The following RIGI variants were observed in gnomAD, a reference collection of about 807,000 sequenced individuals.
The protein encoded by RIGI is antiviral innate immune response receptor RIG-I.
chr9:32,478,710 C>T, the RIGI span, among the ~76,000 whole-genome samples: 5 of 152,108 alleles, frequency 3.3e-5, no homozygotes, highest in Non-Finnish European at 5.9e-5. Context: ...CAGGAGCATA[C>T]CACTATGCTC....
the RIGI span, among the ~76,000 whole-genome samples, chr9:32,503,985 T>A: frequency 3.3e-5 from 5 of 149,704 alleles, no homozygotes; most frequent in Non-Finnish European, 7.4e-5. Flanking sequence ...GAAGTTGCCA[T>A]GAGCCGAGAT....
the RIGI span, among the ~76,000 whole-genome samples, chr9:32,524,596 GTTTTTTTTT>G: frequency 5.9e-3 from 398 of 67,566 alleles, no homozygotes; most frequent in African/African-American, 0.021. Context: ...TTGTTTTTCG[GTTTTTTTTT>G]TTTTTTTTTT....
the RIGI span, chr9:32,492,559 TTATTGA>T: frequency 2.5e-6 from 4 of 1,613,214 alleles, no homozygotes; most frequent in Non-Finnish European, 3.4e-6. Flanking sequence ...TAACTGTAGT[TTATTGA>T]TCAATTATCT....
the RIGI span, among the ~76,000 whole-genome samples, chr9:32,470,522 T>TC: frequency 6.6e-6 from 1 of 152,210 alleles, no homozygotes; most frequent in East Asian, 1.9e-4. Context: ...TGATTTTTTT[T>TC]CAAACAAAAA....
the RIGI span, chr9:32,481,360 A>G: frequency 6.2e-7 from 1 of 1,613,456 alleles, no homozygotes; most frequent in African/African-American, 1.3e-5. Flanking sequence ...GAAGTGTATA[A>G]AAACAGGGCT....
the RIGI span, chr9:32,456,755 G>A: frequency 1.8e-5 from 3 of 168,856 alleles, no homozygotes; most frequent in South Asian, 4.8e-4. Context: ...AAGGGCAAAA[G>A]CCAGTTTACA....
chr9:32,504,310 G>A, the RIGI span, among the ~76,000 whole-genome samples: 1 of 152,110 alleles, frequency 6.6e-6, no homozygotes, highest in African/African-American at 2.4e-5. Flanking sequence ...AAAAAAATAT[G>A]AGTCAAAAGT....
At chr9:32,462,796 A>G in the RIGI span, among the ~76,000 whole-genome samples, 6 of 152,090 alleles carry the variant, frequency 3.9e-5, no homozygotes, top group Non-Finnish European at 5.9e-5. Flanking sequence ...TGATCCTCCC[A>G]TGTAGCTGGC....
At chr9:32,514,121 T>C in the RIGI span, among the ~76,000 whole-genome samples, 4 of 152,172 alleles carry the variant, frequency 2.6e-5, no homozygotes, top group African/African-American at 7.2e-5. Context: ...TTTTACACTT[T>C]TGGTGGGAGT....
At chr9:32,500,784 G>C in the RIGI span, 6 of 1,603,108 alleles carry the variant, frequency 3.7e-6, no homozygotes, top group Non-Finnish European at 4.2e-6. Context: ...TCTGATTTGT[G>C]ATTAAAAAGA....
At chr9:32,498,251 T>C in the RIGI span, 49 of 456,614 alleles carry the variant, frequency 1.1e-4, 1 homozygote, top group East Asian at 1.7e-3. Context: ...ACTCCACCCT[T>C]GGATCTTGCT....
the RIGI span, among the ~76,000 whole-genome samples, chr9:32,511,164 A>C: frequency 6.6e-6 from 1 of 152,012 alleles, no homozygotes; most frequent in African/African-American, 2.4e-5. Flanking sequence ...CCCCACTGTC[A>C]ATAATAGATC....
the RIGI span, among the ~76,000 whole-genome samples, chr9:32,462,382 A>AT: frequency 6.7e-6 from 1 of 149,722 alleles, no homozygotes; most frequent in Non-Finnish European, 1.5e-5. Flanking sequence ...TTTGCTTTAT[A>AT]TAAAAAAAAA....
chr9:32,486,663 C>G, the RIGI span, among the ~76,000 whole-genome samples: 1 of 148,962 alleles, frequency 6.7e-6, no homozygotes, highest in Non-Finnish European at 1.5e-5. Context: ...GAAGCACAGA[C>G]AAAAGGTGGG....
chr9:32,495,700 C>A, the RIGI span, among the ~76,000 whole-genome samples: 2 of 142,826 alleles, frequency 1.4e-5, no homozygotes, highest in Non-Finnish European at 3.0e-5. Flanking sequence ...CGCTCTGTCA[C>A]CCAGGCTGGA....
the RIGI span, chr9:32,491,567 T>C: frequency 1.6e-6 from 1 of 619,876 alleles, no homozygotes; most frequent in African/African-American, 1.9e-5. Context: ...TTTAAAACAG[T>C]TGAAAGAATC....
the RIGI span, among the ~76,000 whole-genome samples, chr9:32,485,746 G>A: frequency 6.6e-6 from 1 of 151,866 alleles, no homozygotes; most frequent in Admixed American, 6.6e-5. Context: ...TCACCATATT[G>A]GCCAGGCTGG....
chr9:32,490,369 TC>T, the RIGI span, among the ~76,000 whole-genome samples: 5 of 151,900 alleles, frequency 3.3e-5, no homozygotes, highest in Non-Finnish European at 7.4e-5. Context: ...AGACTCAGTC[TC>T]AAAAAACAAT....
the RIGI span, chr9:32,493,879 T>TC: frequency 6.2e-7 from 1 of 1,609,998 alleles, no homozygotes; most frequent in Admixed American, 1.7e-5. Flanking sequence ...TAATCTATAC[T>TC]CCTCCAACTT....
Sources: allele counts gnomAD v4.1 joint callset (sites outside exome capture counted in the v4.1 genomes callset), GRCh38; gene constraint gnomAD v4.1.1; transcripts MANE v1.5; gene names NCBI Gene and HGNC (gene_info 2026-07-23, HGNC 2026-07-21).